The following LNPEP variants were observed in gnomAD, a reference collection of about 807,000 sequenced individuals.
The protein encoded by LNPEP is leucyl and cystinyl aminopeptidase.
In LNPEP, 64 loss-of-function variants were observed where a neutral mutation model predicts 120.6. That is an observed-to-expected ratio of 0.53 (90% confidence interval 0.43 to 0.65). LNPEP has a LOEUF of 0.65. Among genes scored for constraint, LNPEP ranks in the 30% least tolerant of loss-of-function variants. The pLI, the probability that LNPEP is intolerant of heterozygous loss-of-function variation, is 0.00. For synonymous variants in LNPEP, 435 were observed against 425.4 expected, an observed-to-expected ratio of 1.02 and a Z score of -0.28; for missense variants, 1,057 against 1,200.0, an observed-to-expected ratio of 0.88 and a Z score of 1.76.
intron 1 of LNPEP, among the ~76,000 whole-genome samples, chr5:96,937,929 C>A (rs1166161016): frequency 6.6e-6 from 1 of 152,196 alleles, no homozygotes; most frequent in African/African-American, 2.4e-5. Context: ...ATTTCTGATT[C>A]TTTCCTATCT....
At chr5:97,021,160 G>C (rs1040709095) in intron 13 of LNPEP, among the ~76,000 whole-genome samples, 2 of 152,206 alleles carry the variant, frequency 1.3e-5, no homozygotes, top group African/African-American at 4.8e-5. Flanking sequence ...TCTGATATCT[G>C]TGAGTTGCAT....
chr5:97,014,791 A>G (rs1791022540), intron 12 of LNPEP, 148 bp from the exon 13 acceptor site: 6 of 419,490 alleles, frequency 1.4e-5, no homozygotes, highest in Non-Finnish European at 1.7e-5. Flanking sequence ...AGATAATCAT[A>G]TTTAGCTTAA....
At chr5:97,025,358 G>A (rs550336518) in intron 15 of LNPEP, among the ~76,000 whole-genome samples, 7 of 152,322 alleles carry the variant, frequency 4.6e-5, no homozygotes, top group Admixed American at 2.6e-4. Context: ...TCTTAATAGT[G>A]TCCCAGAGAT....
intron 11 of LNPEP, among the ~76,000 whole-genome samples, chr5:97,008,825 C>T (rs548631578): frequency 3.3e-5 from 5 of 151,820 alleles, no homozygotes; most frequent in Non-Finnish European, 7.4e-5. Context: ...CCACCATGCC[C>T]GGCTAATTTT....
chr5:96,950,834 A>G (rs1251838181), intron 1 of LNPEP, among the ~76,000 whole-genome samples: 1 of 152,204 alleles, frequency 6.6e-6, no homozygotes, highest in Non-Finnish European at 1.5e-5. Flanking sequence ...TCCCGCTTAA[A>G]ATCTCCATTT....
At chr5:96,977,753 A>G (rs1419689004) in intron 1 of LNPEP, among the ~76,000 whole-genome samples, 1 of 152,190 alleles carries the variant, frequency 6.6e-6, no homozygotes, top group Non-Finnish European at 1.5e-5. Flanking sequence ...ATCTTAAGCT[A>G]GATATTCAGT....
intron 11 of LNPEP, among the ~76,000 whole-genome samples, chr5:97,008,953 C>T (rs997491336): frequency 1.3e-5 from 2 of 152,042 alleles, no homozygotes; most frequent in African/African-American, 2.4e-5. Context: ...TGCCCACCCT[C>T]CTCTTTACTC....
At chr5:96,971,606 T>A (rs1032966907) in intron 1 of LNPEP, among the ~76,000 whole-genome samples, 2 of 152,068 alleles carry the variant, frequency 1.3e-5, no homozygotes, top group African/African-American at 4.8e-5. Flanking sequence ...CTCATTGTTC[T>A]TCAAATTGGT....
intron 1 of LNPEP, among the ~76,000 whole-genome samples, chr5:96,952,475 G>A (rs1387504173): frequency 6.6e-6 from 1 of 152,174 alleles, no homozygotes; most frequent in African/African-American, 2.4e-5. Flanking sequence ...GAACTGGAGA[G>A]GAATAGTTTA....
rs771307179 is a variant in LNPEP, at chr5:97,024,671, G to A, written c.2712G>A (p.Arg904=). 1 of 1,613,550 alleles carries A rather than the reference G, an allele frequency of 6.2e-7. No homozygotes were observed. Among genetic ancestry groups the A allele is most frequent in the South Asian group, 1.1e-5 (1 of 90,998 alleles). Residue 904 remains arginine (R), a synonymous_variant, in exon 15 of 18, where the codon CGG becomes CGA. Transcript: ENST00000231368. ...CACTTGCCAGCTCAGAGGATGTGCG[G>A]AAGCTTTACTGGTATGAAATCACCG... ...LEALASSEDV[R]KLYWLMKSSL...
At chr5:96,993,215 C>A (rs1790433116) in intron 5 of LNPEP, 80 bp downstream of exon 5, 4 of 1,079,340 alleles carry the variant, frequency 3.7e-6, no homozygotes, top group Non-Finnish European at 3.9e-6. Context: ...GAAAGAGGTT[C>A]TGCCCAAGTT....
rs1791032410 is a variant in LNPEP, at chr5:97,015,078, C to G, written c.2359C>G (p.Leu787Val). The part of the protein sequence containing the change: ...NLLEKLGYMD[L>V]ASRLVTRVFK... ...CCTTGAAAAACTGGGATACATGGAT[C>G]TGGCCTCAAGACTGGTGGTAAGTCT... Residue 787 changes from leucine to valine, a missense_variant, in exon 13 of 18, where the codon CTG (leucine) becomes GTG (valine). Transcript: ENST00000231368. 2 of 1,582,032 alleles carry G rather than the reference C, an allele frequency of 1.3e-6. No homozygotes were observed. The highest frequency in any genetic ancestry group is 1.2e-5 in the South Asian group (1 of 83,162).
Position 96,954,412 on chromosome 5 carries a change from A to G in LNPEP, c.19+18238A>G, listed in dbSNP as rs549176839. Among the ~76,000 whole-genome samples, 14 of 152,144 alleles carry G rather than the reference A, an allele frequency of 9.2e-5. No individual in the cohort carries two copies. The South Asian group carries it at 2.9e-3, about 31-fold the overall frequency. ...ATAGTTAAGTGTCAGAAATACTTTT[A>G]TACAGAAGACCTTGTATGGTTCCTT... On this transcript the variant is annotated intron_variant, in intron 1 of 17. Transcript: ENST00000231368.
At chr5:96,951,019 G>C (rs539729359) in intron 1 of LNPEP, among the ~76,000 whole-genome samples, 29 of 152,322 alleles carry the variant, frequency 1.9e-4, no homozygotes, top group African/African-American at 5.5e-4. Flanking sequence ...GGCCACCATA[G>C]TTAGTTTCTG....
At chr5:97,009,159 A>G (rs1422902979) in intron 11 of LNPEP, among the ~76,000 whole-genome samples, 1 of 152,152 alleles carries the variant, frequency 6.6e-6, no homozygotes, top group Non-Finnish European at 1.5e-5. Context: ...TCTCTCCTTA[A>G]GGAACACCCT....
chr5:96,997,989 T>C, intron 7 of LNPEP, 25 bp from the exon 8 acceptor site: 1 of 1,490,078 alleles, frequency 6.7e-7, no homozygotes, highest in Non-Finnish European at 9.2e-7. Flanking sequence ...ACTTGTGATA[T>C]TCTAATCTTT....
chr5:96,965,101 C>G (rs1009742757), intron 1 of LNPEP, among the ~76,000 whole-genome samples: 2 of 152,018 alleles, frequency 1.3e-5, no homozygotes, highest in Admixed American at 6.6e-5. Context: ...ATTCTTCTAT[C>G]TATTTTGCAC....
At chr5:96,966,009 C>G (rs990198934) in intron 1 of LNPEP, among the ~76,000 whole-genome samples, 7 of 152,082 alleles carry the variant, frequency 4.6e-5, no homozygotes, top group Admixed American at 3.9e-4. Flanking sequence ...TTGGCATTCT[C>G]TAGTGGAATT....
At position 96,943,156 on chromosome 5, in the gene LNPEP, A is replaced by G. The variant is rs143637694; in HGVS notation, c.19+6982A>G. ...TTACTTCCATCATTATTGAGCCAGGAGTTGAGGTTGAAGTCACCATTGCAG... is the reference window on the plus strand; with the variant it reads ...TTACTTCCATCATTATTGAGCCAGGGGTTGAGGTTGAAGTCACCATTGCAG... On this transcript the variant is annotated intron_variant, in intron 1 of 17. Coordinates refer to ENST00000231368, the MANE Select transcript of LNPEP (RefSeq NM_005575.3). The G allele has an allele frequency of 6.6e-4, 342 of 517,598 alleles. 1 individual carries two copies. The highest frequency in any genetic ancestry group is 6.2e-3 in the African/African-American group (310 of 49,640). 32.1% of individuals were successfully genotyped at this position (517,598 alleles called of 1,614,324 possible).
Sources: allele counts gnomAD v4.1 joint callset (sites outside exome capture counted in the v4.1 genomes callset), GRCh38; gene constraint gnomAD v4.1.1; transcripts MANE v1.5; gene names NCBI Gene and HGNC (gene_info 2026-07-23, HGNC 2026-07-21).